Variants in LNX2 observed in about 807,000 individuals in gnomAD.
LNX2 encodes the protein ligand of Numb protein X 2.
LNX2 carries 35 observed loss-of-function variants against 66.2 expected under a neutral mutation model. The ratio of observed to expected loss-of-function variants is 0.53; its 90% CI spans 0.40 to 0.70. The LOEUF is 0.70. Among genes scored for constraint, LNX2 ranks in the 30% least tolerant of loss-of-function variants. The probability of loss-of-function intolerance (pLI) is 0.00; values close to 1 mark genes in which losing one functional copy is unlikely to be tolerated. For synonymous variants in LNX2, 337 were observed against 315.6 expected (o/e 1.07, Z -0.72); for missense variants, 791 against 850.8 (o/e 0.93, Z 0.87).
intron 8 of LNX2, 52 bp downstream of exon 8, chr13:27,553,156 G>A (rs1219408456): frequency 6.9e-7 from 1 of 1,457,654 alleles, no homozygotes; most frequent in Non-Finnish European, 9.6e-7. Flanking sequence ...CACTGATAAG[G>A]GCTGCAAGCA....
intron 2 of LNX2, among the ~76,000 whole-genome samples, chr13:27,571,240 A>C (rs1955276258): frequency 6.6e-6 from 1 of 152,214 alleles, no homozygotes; most frequent in South Asian, 2.1e-4. Context: ...CTAGGGAGAC[A>C]AGCAGTCAAC....
At chr13:27,604,362 C>G (rs767136072) in intron 1 of LNX2, among the ~76,000 whole-genome samples, 9 of 152,264 alleles carry the variant, frequency 5.9e-5, no homozygotes, top group Non-Finnish European at 7.3e-5. Flanking sequence ...CAGCAGTGCA[C>G]TCCATGCAAA....
In LNX2 at chr13:27,567,620, AGAATAATTAAAACT is replaced by A; in HGVS notation, c.855+6_855+19del. 2 of 1,607,888 alleles carry A rather than the reference AGAATAATTAAAACT, an allele frequency of 1.2e-6. No individual in the cohort carries two copies. The highest frequency in any genetic ancestry group is 1.7e-6 in the Non-Finnish European group (2 of 1,174,390). On this transcript the variant is annotated splice_donor_region_variant and intron_variant, in intron 4 of 9. Transcript: ENST00000316334. ...ATGGAACAAAAAGGCACAAGTTAACAGAATAATTAAAACTGATACCTGAAGAATCTGGTCTCCAG... is the reference window on the plus strand; with the variant it reads ...ATGGAACAAAAAGGCACAAGTTAACAGATACCTGAAGAATCTGGTCTCCAG...
intron 4 of LNX2, among the ~76,000 whole-genome samples, chr13:27,566,373 C>T (rs1197155885): frequency 3.3e-5 from 5 of 152,106 alleles, no homozygotes; most frequent in Non-Finnish European, 7.3e-5. Context: ...GAGGACAGGT[C>T]AGTATTTTGC....
chr13:27,602,886 TTTAA>T (rs1955674383), intron 1 of LNX2, among the ~76,000 whole-genome samples: 2 of 152,218 alleles, frequency 1.3e-5, no homozygotes, highest in African/African-American at 4.8e-5. Context: ...CAATTAATAT[TTTAA>T]TTACTTTTGA....
rs1194818898 is a variant in LNX2 at position 27,562,739 on chromosome 13, G to A, written c.898C>T (p.Arg300Ter). The change falls in exon 5 of 10, where the codon CGA (arginine) becomes TGA (stop). Residue 300 changes from arginine to a stop codon, truncating the protein, a stop_gained. Transcript: ENST00000316334. LOFTEE classifies it high-confidence loss of function. ...NISNVSHNYA[R>*]AVLSQPCNTL... is the part of the protein sequence containing the mutation. ...TTGCAGGGCTGGGAAAGGACAGCTC[G>A]GGCATAGTTATGGGACACATTGCTG... 4 of 1,614,036 alleles carry A rather than the reference G, an allele frequency of 2.5e-6. No homozygotes were observed. Among genetic ancestry groups the A allele is most frequent in the Non-Finnish European group, 3.4e-6 (4 of 1,179,954 alleles).
chr13:27,616,607 G>A (rs1283950662), intron 1 of LNX2, among the ~76,000 whole-genome samples: 3 of 152,148 alleles, frequency 2.0e-5, no homozygotes, highest in Non-Finnish European at 4.4e-5. Context: ...TAAGTACTTA[G>A]GGATTCTGCA....
intron 1 of LNX2, among the ~76,000 whole-genome samples, chr13:27,606,109 CAA>C (rs748841757): frequency 5.9e-5 from 9 of 152,120 alleles, no homozygotes; most frequent in Non-Finnish European, 8.8e-5. Flanking sequence ...GTAAAATGCA[CAA>C]AGACATTTCC....
chr13:27,569,138 C>T lies in LNX2; in HGVS notation c.546G>A (p.Gly182=), dbSNP rs781410499. The T allele has an allele frequency of 6.2e-7, 1 of 1,612,838 alleles. No homozygotes were observed. Among genetic ancestry groups the T allele is most frequent in the South Asian group, 1.1e-5 (1 of 90,858 alleles). Residue 182 remains glycine, a synonymous_variant, in exon 3 of 10, where the codon GGG becomes GGA. Coordinates refer to ENST00000316334, the MANE Select transcript of LNX2 (RefSeq NM_153371.4). Reference sequence around the variant, plus strand: ...GCCGCTCCACAGGCACTGCGCCTGTCCCCAAACAGTCTGCTTCTGGAGATA... The same window carrying T: ...GCCGCTCCACAGGCACTGCGCCTGTTCCCAAACAGTCTGCTTCTGGAGATA... ...GTLSPEADCL[G]TGAVPVERHL...
intron 1 of LNX2, among the ~76,000 whole-genome samples, chr13:27,592,761 T>C (rs1646240714): frequency 3.3e-5 from 5 of 151,958 alleles, no homozygotes; most frequent in Admixed American, 3.3e-4. Context: ...GGACGAAAAT[T>C]AAGAGAGAAT....
Position 27,550,320 on chromosome 13 carries a change from G to T in LNX2, c.1937+13C>A. 6.2e-7 allele frequency: 1 copy of T among 1,609,936 alleles called. No homozygotes were observed. The highest frequency in any genetic ancestry group is 8.5e-7 in the Non-Finnish European group (1 of 1,177,316). ...TCAACATGAATCACATCATTAATTA[G>T]AACAAGACTCACTTTAATCTTCCAT... On this transcript the variant is annotated intron_variant, in intron 9 of 9. Coordinates refer to ENST00000316334, the MANE Select transcript of LNX2 (RefSeq NM_153371.4).
intron 1 of LNX2, among the ~76,000 whole-genome samples, chr13:27,607,590 C>T (rs536423077): frequency 3.3e-5 from 5 of 152,150 alleles, no homozygotes; most frequent in East Asian, 1.9e-4. Context: ...TAATTGAGAA[C>T]ATACAAACAT....
At chr13:27,555,391 T>C (rs912800308) in intron 7 of LNX2, among the ~76,000 whole-genome samples, 1 of 152,256 alleles carries the variant, frequency 6.6e-6, no homozygotes, top group Non-Finnish European at 1.5e-5. Context: ...CACAAGTCAT[T>C]TGTCATATAT....
At chr13:27,584,133 C>A (rs921786810) in intron 1 of LNX2, among the ~76,000 whole-genome samples, 3 of 152,138 alleles carry the variant, frequency 2.0e-5, no homozygotes, top group African/African-American at 4.8e-5. Context: ...GTGCCTGCCA[C>A]AAGAACCTTA....
chr13:27,558,591 T>G (rs1955091697), intron 6 of LNX2, among the ~76,000 whole-genome samples: 1 of 152,096 alleles, frequency 6.6e-6, no homozygotes, highest in Non-Finnish European at 1.5e-5. Context: ...TACCTTATAT[T>G]ATAGTTTTAT....
At chr13:27,620,834 C>A (rs113269948), upstream of LNX2, 1 of 152,640 alleles carries the variant, frequency 6.6e-6, no homozygotes, top group African/African-American at 2.4e-5. Context: ...GGCTAGGTGT[C>A]TGCGCGCACC....
At chr13:27,553,558 T>C in intron 7 of LNX2, 119 bp from the exon 8 acceptor site, 1 of 636,446 alleles carries the variant, frequency 1.6e-6, no homozygotes, top group South Asian at 2.0e-5. Context: ...AGATAAGGTA[T>C]AATAATAAAT....
At chr13:27,572,394 G>T (rs1421773291) in intron 2 of LNX2, among the ~76,000 whole-genome samples, 1 of 152,192 alleles carries the variant, frequency 6.6e-6, no homozygotes, top group Admixed American at 6.5e-5. Flanking sequence ...CATCTAATTA[G>T]ATTGAGGTAG....
Position 27,553,314 on chromosome 13 carries a change from C to T in LNX2, c.1672G>A (p.Val558Ile), listed in dbSNP as rs530534576. 14 of 1,614,198 alleles carry T rather than the reference C, an allele frequency of 8.7e-6. No individual in the cohort carries two copies. Among genetic ancestry groups the T allele is most frequent in the African/African-American group, 6.7e-5 (5 of 75,048 alleles). The part of the protein sequence containing the change: ...VALKALEVQI[V>I]EEATQNAEEQ... ...TCCGCGTTCTGAGTCGCCTCCTCAA[C>T]AATCTGGACCTCAAGTGCTTTAAGG... The change falls in exon 8 of 10, where the codon GTT becomes ATT. Residue 558 changes from valine (V) to isoleucine (I), a missense_variant. Physicochemically the swap from Val to Ile is conservative, Grantham distance 29. Transcript: ENST00000316334.
Sources: gnomAD v4.1 joint callset for allele counts (sites outside exome capture counted in the v4.1 genomes callset) on GRCh38, gnomAD v4.1.1 for gene constraint, MANE v1.5 for transcripts, NCBI Gene and HGNC (gene_info 2026-07-23, HGNC 2026-07-21) for gene names.